Variants in ZNF749 observed in about 807,000 individuals in gnomAD.
ZNF749 encodes zinc finger protein 749.
Under a neutral mutation model 7.3 loss-of-function variants are expected in ZNF749, and 8 were observed. That is an observed-to-expected ratio of 1.10 (90% confidence interval 0.64 to 1.98). The LOEUF is 1.98. Ranked by LOEUF, ZNF749 falls within the 30% of genes most tolerant of loss-of-function variation. ZNF749 has a pLI of 0.00. For missense variants in ZNF749, 898 were observed against 932.4 expected (o/e 0.96, Z 0.48); for synonymous variants, 310 against 322.4 (o/e 0.96, Z 0.41).
upstream of ZNF749, among the ~76,000 whole-genome samples, chr19:57,432,082 C>T (rs1488559353): frequency 6.6e-6 from 1 of 151,870 alleles, no homozygotes; most frequent in African/African-American, 2.4e-5. Context: ...ATCTGCCTGC[C>T]TCGGCCTCCC....
chr19:57,432,813 A>G (rs2088906066), upstream of ZNF749, among the ~76,000 whole-genome samples: 2 of 152,320 alleles, frequency 1.3e-5, no homozygotes, highest in African/African-American at 4.8e-5. Context: ...ACATTGTAAC[A>G]TAATTTCTAC....
Position 57,444,793 on chromosome 19 carries a change from A to G in ZNF749, c.1645A>G (p.Ile549Val). 1 of 1,614,056 alleles carries G rather than the reference A, an allele frequency of 6.2e-7. No individual in the cohort carries two copies. The highest frequency in any genetic ancestry group is 8.5e-7 in the Non-Finnish European group (1 of 1,179,972). ...KRSDLIQHKR[I>V]DLRPRPYVCS... ...GTCTGACCTCATTCAACACAAGAGG[A>G]TTGACCTCAGGCCAAGGCCTTATGT... Residue 549 changes from isoleucine to valine, a missense_variant, in exon 3 of 3, where the codon ATT (isoleucine) becomes GTT (valine). By Grantham distance (29) the Ile-to-Val change is conservative. Transcript: ENST00000334181.
rs984621998 is a variant in ZNF749 at position 57,443,145 on chromosome 19, T to C, written c.143-146T>C. The C allele has an allele frequency of 1.1e-4, 72 of 678,632 alleles. 2 individuals are homozygous for C. The South Asian group carries it at 1.4e-3, about 13-fold the overall frequency. 42.0% of individuals were successfully genotyped at this position (678,632 alleles called of 1,614,324 possible). ...ACTTCACAGGCCCACCTCTGAACAC[T>C]GGGCCTTCCTCTCACTGGCCTTATT... On this transcript the variant is annotated intron_variant, in intron 2 of 2. Transcript: ENST00000334181.
chr19:57,435,461 C>A lies in ZNF749; in HGVS notation c.-118C>A. ...CGCGAGAAGCGGTGTTCCTTCTACA[C>A]AGAGGCTAGAGTGCGGATCGGCTGA... On this transcript the variant is annotated 5_prime_UTR_variant, in exon 1 of 3. Coordinates refer to ENST00000334181, the MANE Select transcript of ZNF749 (RefSeq NM_001023561.4). 1 of 1,451,554 alleles carries A rather than the reference C, an allele frequency of 6.9e-7. No individual in the cohort carries two copies. 89.9% of individuals were successfully genotyped at this position (1,451,554 alleles called of 1,614,324 possible).
chr19:57,446,736 CA>C lies in ZNF749; in HGVS notation c.*1252del, dbSNP rs1156675127. On this transcript the variant is annotated 3_prime_UTR_variant, in exon 3 of 3. Coordinates refer to ENST00000334181, the MANE Select transcript of ZNF749 (RefSeq NM_001023561.4). ...TGTACTTACACAAACCTGAAGGGCA[CA>C]GCCTATTACGCACCTAGGCTATATG... Among the ~76,000 whole-genome samples, 2 of 152,140 alleles carry C rather than the reference CA, an allele frequency of 1.3e-5. No individual in the cohort carries two copies. Among genetic ancestry groups the C allele is most frequent in the Non-Finnish European group, 2.9e-5 (2 of 68,030 alleles).
chr19:57,431,904 C>T (rs1020684581), upstream of ZNF749, among the ~76,000 whole-genome samples: 5 of 152,102 alleles, frequency 3.3e-5, no homozygotes, highest in African/African-American at 1.2e-4. Context: ...CTCACTGCAA[C>T]CTCTGCCTCC....
At chr19:57,437,118 T>C (rs1318437036) in intron 1 of ZNF749, among the ~76,000 whole-genome samples, 1 of 152,194 alleles carries the variant, frequency 6.6e-6, no homozygotes, top group Non-Finnish European at 1.5e-5. Flanking sequence ...AACATGAAGA[T>C]AATAGGTGAG....
intron 1 of ZNF749, among the ~76,000 whole-genome samples, chr19:57,441,668 G>A (rs2088991014): frequency 6.6e-6 from 1 of 152,172 alleles, no homozygotes; most frequent in African/African-American, 2.4e-5. Context: ...CCCTTATTGT[G>A]TGGTGACAGG....
At chr19:57,440,254 A>G (rs981542600) in intron 1 of ZNF749, among the ~76,000 whole-genome samples, 5 of 151,692 alleles carry the variant, frequency 3.3e-5, no homozygotes, top group Non-Finnish European at 7.4e-5. Flanking sequence ...ATCAGCAAGG[A>G]GCATTGCTAG....
At chr19:57,443,261 T>C (rs541074545) in intron 2 of ZNF749, 30 bp from the exon 3 acceptor site, 147 of 1,561,464 alleles carry the variant, frequency 9.4e-5, no homozygotes, top group Middle Eastern at 8.6e-4. Context: ...GGAGTTCACG[T>C]GCACTTCACC....
At position 57,435,613 on chromosome 19, in the gene ZNF749, C is replaced by A; in HGVS notation, c.15+20C>A. On this transcript the variant is annotated intron_variant, in intron 1 of 2. Coordinates refer to ENST00000334181, the MANE Select transcript of ZNF749 (RefSeq NM_001023561.4). Reference sequence around the variant, plus strand: ...ACCGAGGTGCGTGCAGCGTCCCAGGCCGCCCCGCCCAACCCCTCCTCCCAG... The same window carrying A: ...ACCGAGGTGCGTGCAGCGTCCCAGGACGCCCCGCCCAACCCCTCCTCCCAG... 1 of 1,600,856 alleles carries A rather than the reference C, an allele frequency of 6.2e-7. No homozygotes were observed. Among genetic ancestry groups the A allele is most frequent in the Non-Finnish European group, 8.5e-7 (1 of 1,174,844 alleles).
chr19:57,445,318 TTTAAGTTAA>T lies in ZNF749; in HGVS notation c.2171_2179del (p.Phe724_Arg727delinsTrp), dbSNP rs771656692. 1 of 1,613,838 alleles carries T rather than the reference TTTAAGTTAA, an allele frequency of 6.2e-7. No individual in the cohort carries two copies. The highest frequency in any genetic ancestry group is 1.1e-5 in the South Asian group (1 of 91,070). The stretch of plus-strand genomic sequence containing the variant: ...GCAGTCTCACACTGGAGAAAGTCCT[TTTAAGTTAA>T]GGGAATGTGGGAAAGACTTCAACAA... On this transcript the variant is annotated inframe_deletion, in exon 3 of 3. Transcript: ENST00000334181.
At position 57,445,187 on chromosome 19, in the gene ZNF749, G is replaced by T. The variant is rs146382363; in HGVS notation, c.2039G>T (p.Arg680Leu). Residue 680 changes from arginine (R) to leucine (L), a missense_variant, in exon 3 of 3, where the codon CGC becomes CTC. Transcript: ENST00000334181. ...AACTGTGGGAAGTTTCTTAGATACCGCTCTACATTCATTAAACATCATAAA... is the reference window on the plus strand; with the variant it reads ...AACTGTGGGAAGTTTCTTAGATACCTCTCTACATTCATTAAACATCATAAA... The part of the protein sequence containing the change: ...CSNCGKFLRY[R>L]STFIKHHKVC... 4 of 1,614,074 alleles carry T rather than the reference G, an allele frequency of 2.5e-6. No homozygotes were observed. The highest frequency in any genetic ancestry group is 1.6e-4 in the Middle Eastern group (1 of 6,062).
Position 57,445,338 on chromosome 19 carries a change from G to A in ZNF749, c.2190G>A (p.Gly730=), listed in dbSNP as rs61745342. The change falls in exon 3 of 3, where the codon GGG becomes GGA. Residue 730 remains glycine, a synonymous_variant. Coordinates refer to ENST00000334181, the MANE Select transcript of ZNF749 (RefSeq NM_001023561.4). Reference sequence around the variant, plus strand: ...GTCCTTTTAAGTTAAGGGAATGTGGGAAAGACTTCAACAAATGTAATACTG... The same window carrying A: ...GTCCTTTTAAGTTAAGGGAATGTGGAAAAGACTTCAACAAATGTAATACTG... ...GESPFKLREC[G]KDFNKCNTGQ... The A allele has an allele frequency of 0.023, 36,505 of 1,613,784 alleles. 522 individuals are homozygous for A. The highest frequency in any genetic ancestry group is 0.038 in the South Asian group (3,456 of 91,074).
rs1360642958 is a variant in ZNF749 at position 57,441,878 on chromosome 19, T to G, written c.16-7T>G. 6.2e-7 allele frequency: 1 copy of G among 1,614,072 alleles called. No homozygotes were observed. The highest frequency in any genetic ancestry group is 1.3e-5 in the African/African-American group (1 of 75,060). ...GTTCATAGACTGAAGTGTCATAATT[T>G]TGGCAGGATTGTATGGTCTTTGAGG... On this transcript the variant is annotated splice_region_variant and splice_polypyrimidine_tract_variant and intron_variant, in intron 1 of 2. Coordinates refer to ENST00000334181, the MANE Select transcript of ZNF749 (RefSeq NM_001023561.4).
chr19:57,432,124 C>T (rs867392418), upstream of ZNF749, among the ~76,000 whole-genome samples: 31 of 151,708 alleles, frequency 2.0e-4, no homozygotes, highest in Middle Eastern at 6.9e-3. Flanking sequence ...TGAGCCACCG[C>T]GCCCAGCCTA....
At chr19:57,433,114 G>A (rs2088907370), upstream of ZNF749, among the ~76,000 whole-genome samples, 1 of 16,488 alleles carries the variant, frequency 6.1e-5, no homozygotes, top group African/African-American at 2.1e-4. Context: ...CTTGAGGAGT[G>A]TGTGTGTGTG....
In ZNF749 at chr19:57,445,156, T is replaced by C; in HGVS notation, c.2008T>C (p.Cys670Arg). The change falls in exon 3 of 3, where the codon TGC becomes CGC. Residue 670 changes from cysteine (C) to arginine (R), a missense_variant. Transcript: ENST00000334181. ...TCATACTGGAGAAAAGCCTTATGAA[T>C]GCAGCAACTGTGGGAAGTTTCTTAG... ...RVHTGEKPYE[C>R]SNCGKFLRYR... The C allele has an allele frequency of 6.2e-7, 1 of 1,614,156 alleles. No individual in the cohort carries two copies. Among genetic ancestry groups the C allele is most frequent in the Non-Finnish European group, 8.5e-7 (1 of 1,180,016 alleles).
chr19:57,438,120 G>A, intron 1 of ZNF749: 1 of 398,880 alleles, frequency 2.5e-6, no homozygotes, highest in Non-Finnish European at 4.4e-6. Context: ...AATGAGGGTC[G>A]TGATCAACTC....
Sources: gnomAD v4.1 joint callset for allele counts (sites outside exome capture counted in the v4.1 genomes callset) on GRCh38, gnomAD v4.1.1 for gene constraint, MANE v1.5 for transcripts, NCBI Gene and HGNC (gene_info 2026-07-23, HGNC 2026-07-21) for gene names.